APP: variants seen among roughly 807,000 people sequenced by gnomAD.
APP encodes amyloid beta precursor protein.
APP carries 31 observed loss-of-function variants against 101.4 expected under a neutral mutation model. The ratio of observed to expected loss-of-function variants is 0.31; its 90% CI spans 0.23 to 0.41. The LOEUF (loss-of-function observed/expected upper bound fraction) is 0.41. APP is among the 10% of genes least tolerant of loss of function. The probability of loss-of-function intolerance (pLI) is 1.00; values close to 1 mark genes in which losing one functional copy is unlikely to be tolerated. For synonymous variants in APP, 366 were observed against 364.4 expected, an observed-to-expected ratio of 1.00 and a Z score of -0.05; for missense variants, 839 against 1,003.7, an observed-to-expected ratio of 0.84 and a Z score of 2.22.
intron 11 of APP, among the ~76,000 whole-genome samples, chr21:25,968,306 G>GGCTAATTAAA (rs1397715397): frequency 1.3e-5 from 2 of 150,572 alleles, no homozygotes; most frequent in Admixed American, 1.3e-4. Context: ...CATCATGCCT[G>GGCTAATTAAA]GCTAATTAAA....
rs746162443 is a variant in APP at position 26,025,853 on chromosome 21, T to C, written c.663-3811A>G. On this transcript the variant is annotated intron_variant, in intron 5 of 17. Coordinates refer to ENST00000346798, the MANE Select transcript of APP (RefSeq NM_000484.4). ...TGATTTCTGGAATTAAATTTAGATG[T>C]CCATGAATTCAATTATTCATTTGGA... is the stretch of plus-strand genomic sequence containing the variant. 1.2e-3 allele frequency among the ~76,000 whole-genome samples: 189 copies of C among 152,232 alleles called. 1 individual carries two copies. Among genetic ancestry groups the C allele is most frequent in the Non-Finnish European group, 1.5e-3 (103 of 68,034 alleles).
chr21:26,087,768 C>T (rs1321332524), intron 3 of APP, among the ~76,000 whole-genome samples: 1 of 152,200 alleles, frequency 6.6e-6, no homozygotes, highest in African/African-American at 2.4e-5. Context: ...ATTAACTTTA[C>T]TATCAAACAG....
At chr21:26,110,248 G>C (rs991418161) in intron 2 of APP, among the ~76,000 whole-genome samples, 2 of 152,120 alleles carry the variant, frequency 1.3e-5, no homozygotes, top group African/African-American at 4.8e-5. Flanking sequence ...TTCAAGACCA[G>C]CCTGGCCAAT....
At chr21:25,999,643 T>G (rs1046643717) in intron 7 of APP, among the ~76,000 whole-genome samples, 1 of 152,206 alleles carries the variant, frequency 6.6e-6, no homozygotes, top group African/African-American at 2.4e-5. Flanking sequence ...TGCATAAACA[T>G]GAACACATAT....
intron 1 of APP, among the ~76,000 whole-genome samples, chr21:26,154,550 A>G (rs1353622955): frequency 1.3e-5 from 2 of 152,244 alleles, no homozygotes; most frequent in African/African-American, 2.4e-5. Context: ...AAATCAGGCC[A>G]TGCCTTCAAG....
chr21:26,049,372 C>T (rs2045741947), intron 5 of APP, among the ~76,000 whole-genome samples: 1 of 152,096 alleles, frequency 6.6e-6, no homozygotes, highest in South Asian at 2.1e-4. Flanking sequence ...TGTCAGGTAC[C>T]ATGTTGCAGA....
At chr21:26,080,146 A>G (rs1435241836) in intron 3 of APP, among the ~76,000 whole-genome samples, 1 of 152,160 alleles carries the variant, frequency 6.6e-6, no homozygotes, top group South Asian at 2.1e-4. Flanking sequence ...AAACAAACAA[A>G]GCAGCATCCA....
intron 3 of APP, among the ~76,000 whole-genome samples, chr21:26,080,516 C>T (rs996458879): frequency 6.6e-6 from 1 of 151,772 alleles, no homozygotes; most frequent in Non-Finnish European, 1.5e-5. Context: ...TGCCTGTAAT[C>T]TCAGTACTTT....
intron 11 of APP, 65 bp from the exon 12 acceptor site, chr21:25,955,820 A>G: frequency 6.2e-7 from 1 of 1,610,856 alleles, no homozygotes; most frequent in Non-Finnish European, 8.5e-7. Context: ...TCCATTGGCG[A>G]TGGGTTAGAG....
At chr21:26,094,455 A>G (rs986269864) in intron 2 of APP, among the ~76,000 whole-genome samples, 2 of 152,000 alleles carry the variant, frequency 1.3e-5, no homozygotes, top group African/African-American at 4.8e-5. Flanking sequence ...TTAAAATTTA[A>G]AATTCCAACA....
intron 13 of APP, among the ~76,000 whole-genome samples, chr21:25,952,479 G>A (rs746401854): frequency 1.2e-4 from 18 of 151,144 alleles, no homozygotes; most frequent in Non-Finnish European, 2.1e-4. Context: ...CCCTATTCTT[G>A]GGCATTTCGT....
At chr21:25,979,910 G>C (rs1568800345) in intron 9 of APP, among the ~76,000 whole-genome samples, 2 of 152,186 alleles carry the variant, frequency 1.3e-5, no homozygotes, top group South Asian at 4.1e-4. Context: ...GATAATGCAG[G>C]TGTGTCCAGA....
At chr21:25,900,256 A>G (rs2038354495) in intron 15 of APP, among the ~76,000 whole-genome samples, 1 of 152,030 alleles carries the variant, frequency 6.6e-6, no homozygotes, top group East Asian at 1.9e-4. Flanking sequence ...CAACGTGCCA[A>G]GCACGGTGGC....
chr21:26,000,353 A>T (rs2043240265), intron 6 of APP, among the ~76,000 whole-genome samples, 171 bp from the exon 7 acceptor site: 2 of 152,170 alleles, frequency 1.3e-5, no homozygotes, highest in African/African-American at 4.8e-5. Flanking sequence ...AGGACTAGAG[A>T]TTTACACCTC....
intron 5 of APP, among the ~76,000 whole-genome samples, chr21:26,023,863 C>G (rs1601243527): frequency 6.6e-6 from 1 of 152,256 alleles, no homozygotes; most frequent in Middle Eastern, 3.4e-3. Flanking sequence ...ATTCTGAGAT[C>G]CACTGCAATA....
At chr21:26,160,457 C>T (rs2146374865) in intron 1 of APP, among the ~76,000 whole-genome samples, 1 of 152,238 alleles carries the variant, frequency 6.6e-6, no homozygotes, top group Non-Finnish European at 1.5e-5. Context: ...AAAATACTAG[C>T]AAGATACAAG....
At chr21:26,062,708 T>A (rs1243032399) in intron 3 of APP, among the ~76,000 whole-genome samples, 3 of 144,452 alleles carry the variant, frequency 2.1e-5, no homozygotes, top group Non-Finnish European at 3.0e-5. Flanking sequence ...GTTAGCAGTC[T>A]TGCAGCTTTT....
At chr21:26,139,181 A>T (rs550487853) in intron 1 of APP, among the ~76,000 whole-genome samples, 3 of 152,342 alleles carry the variant, frequency 2.0e-5, no homozygotes, top group East Asian at 3.9e-4. Flanking sequence ...AAGTAAATTG[A>T]AAAGTTTGTT....
intron 8 of APP, among the ~76,000 whole-genome samples, chr21:25,985,996 G>A (rs2042622183): frequency 6.6e-6 from 1 of 152,200 alleles, no homozygotes; most frequent in Non-Finnish European, 1.5e-5. Context: ...ATCCCGGAAG[G>A]AGAGAGCAAT....
Sources: gnomAD v4.1 joint callset for allele counts (sites outside exome capture counted in the v4.1 genomes callset) on GRCh38, gnomAD v4.1.1 for gene constraint, MANE v1.5 for transcripts, NCBI Gene and HGNC (gene_info 2026-07-23, HGNC 2026-07-21) for gene names.